Variants in PDE8B observed in about 807,000 individuals in gnomAD.
The protein encoded by PDE8B is phosphodiesterase 8B, also known as high affinity cAMP-specific and IBMX-insensitive 3',5'-cyclic phosphodiesterase 8B.
Under a neutral mutation model 101.3 loss-of-function variants are expected in PDE8B, and 26 were observed. That is an observed-to-expected ratio of 0.26 (90% CI 0.19 to 0.36). PDE8B has a LOEUF of 0.36. Ranked by LOEUF, PDE8B falls within the 10% of genes least tolerant of loss-of-function variation. The pLI is 1.00. For synonymous variants in PDE8B, 424 were observed against 429.3 expected (o/e 0.99, Z 0.15); for missense variants, 810 against 1,163.1 (o/e 0.70, Z 4.42).
the PDE8B span, among the ~76,000 whole-genome samples, chr5:77,090,551 G>A: frequency 1.3e-5 from 2 of 152,208 alleles, no homozygotes; most frequent in African/African-American, 2.4e-5. Context: ...GGGATTACAG[G>A]CGTGAGCCAC....
chr5:77,349,285 G>A, intron 7 of PDE8B, 134 bp from the exon 8 acceptor site: 1 of 1,169,716 alleles, frequency 8.5e-7, no homozygotes, highest in Admixed American at 1.9e-5. Context: ...AACTGCATTA[G>A]AGAATGTTTG....
At chr5:77,179,468 C>T in the PDE8B span, among the ~76,000 whole-genome samples, 12 of 152,170 alleles carry the variant, frequency 7.9e-5, no homozygotes, top group Non-Finnish European at 1.3e-4. Flanking sequence ...ATGGGCCAGG[C>T]ATGGTAATAG....
the PDE8B span, among the ~76,000 whole-genome samples, chr5:77,164,524 C>T: frequency 6.6e-6 from 1 of 152,186 alleles, no homozygotes; most frequent in South Asian, 2.1e-4. Context: ...TCAACTCATT[C>T]AGCATATGTC....
the PDE8B span, among the ~76,000 whole-genome samples, chr5:77,097,726 T>TAG: frequency 5.1e-5 from 3 of 58,900 alleles, no homozygotes; most frequent in African/African-American, 1.2e-4. Context: ...TATATATATA[T>TAG]ATATATACAT....
the PDE8B span, among the ~76,000 whole-genome samples, chr5:77,150,988 C>CTA: frequency 6.6e-6 from 1 of 152,210 alleles, no homozygotes; most frequent in Non-Finnish European, 1.5e-5. Flanking sequence ...GGTAGACATT[C>CTA]TAAATCCATA....
At chr5:77,229,553 TCCAAAAGAAAC>T (rs1157666395) in intron 1 of PDE8B, among the ~76,000 whole-genome samples, 1 of 152,122 alleles carries the variant, frequency 6.6e-6, no homozygotes, top group Non-Finnish European at 1.5e-5. Flanking sequence ...TTCTAACACC[TCCAAAAGAAAC>T]CCTGAATTTA....
the PDE8B span, chr5:77,152,299 A>C: frequency 2.6e-5 from 4 of 152,204 alleles, no homozygotes; most frequent in African/African-American, 7.2e-5. Flanking sequence ...GTATCTAAAA[A>C]TGCTGTGCCT....
At chr5:77,283,165 A>AT (rs1281537463) in intron 1 of PDE8B, among the ~76,000 whole-genome samples, 2 of 152,146 alleles carry the variant, frequency 1.3e-5, no homozygotes, top group Non-Finnish European at 2.9e-5. Context: ...AATAGACTTA[A>AT]TTTTTTTACA....
chr5:77,374,330 CTCT>C (rs1785649946), intron 10 of PDE8B, among the ~76,000 whole-genome samples: 1 of 151,844 alleles, frequency 6.6e-6, no homozygotes, highest in African/African-American at 2.4e-5. Flanking sequence ...TCATATCTGC[CTCT>C]TATTTGGAAT....
chr5:77,289,948 A>G (rs930007049), intron 1 of PDE8B, among the ~76,000 whole-genome samples: 3 of 152,256 alleles, frequency 2.0e-5, no homozygotes, highest in African/African-American at 7.2e-5. Flanking sequence ...TAGATAACAA[A>G]TGTAAGGCAC....
chr5:77,315,246 A>G (rs1773553145), intron 2 of PDE8B, among the ~76,000 whole-genome samples: 1 of 152,166 alleles, frequency 6.6e-6, no homozygotes, highest in African/African-American at 2.4e-5. Context: ...TCAAGAAGAT[A>G]ATTTGTTGTT....
chr5:77,269,058 A>T (rs189370779), intron 1 of PDE8B, among the ~76,000 whole-genome samples: 18 of 152,128 alleles, frequency 1.2e-4, no homozygotes, highest in Non-Finnish European at 2.9e-5. Flanking sequence ...ACTGTCCTTC[A>T]TAGTGGTTGT....
chr5:77,186,791 T>C, the PDE8B span, among the ~76,000 whole-genome samples: 3 of 152,164 alleles, frequency 2.0e-5, no homozygotes, highest in East Asian at 5.8e-4. Flanking sequence ...GGCAACTATG[T>C]GCACCATAGT....
At chr5:77,113,247 A>G in the PDE8B span, 1 of 152,150 alleles carries the variant, frequency 6.6e-6, no homozygotes, top group Non-Finnish European at 1.5e-5. Flanking sequence ...ACCTGGAGGC[A>G]TCATGCTACC....
At chr5:77,246,792 A>C (rs148443529) in intron 1 of PDE8B, 3 of 152,340 alleles carry the variant, frequency 2.0e-5, no homozygotes, top group African/African-American at 7.2e-5. Context: ...CGTTGAGGAA[A>C]GTGACTAAGC....
chr5:77,297,155 G>T (rs1340405059), intron 1 of PDE8B, among the ~76,000 whole-genome samples: 1 of 152,188 alleles, frequency 6.6e-6, no homozygotes, highest in Non-Finnish European at 1.5e-5. Flanking sequence ...CTTTTATCAA[G>T]AGCCCTCTCC....
intron 11 of PDE8B, among the ~76,000 whole-genome samples, chr5:77,403,111 T>C (rs1792654927): frequency 6.6e-6 from 1 of 152,190 alleles, no homozygotes; most frequent in Non-Finnish European, 1.5e-5. Flanking sequence ...GCGCTGAAAA[T>C]GTGTGTTTCT....
At chr5:77,208,537 T>C (rs1386566433), upstream of PDE8B, among the ~76,000 whole-genome samples, 2 of 152,240 alleles carry the variant, frequency 1.3e-5, no homozygotes, top group African/African-American at 4.8e-5. Context: ...GAGCAGATGG[T>C]TGCTATGAGG....
the PDE8B span, among the ~76,000 whole-genome samples, chr5:77,136,927 A>G: frequency 3.3e-5 from 5 of 152,136 alleles, no homozygotes; most frequent in Non-Finnish European, 5.9e-5. Context: ...TATTAAATAG[A>G]TTTTGAACAA....
Sources: allele counts gnomAD v4.1 joint callset (sites outside exome capture counted in the v4.1 genomes callset), GRCh38; gene constraint gnomAD v4.1.1; transcripts MANE v1.5; gene names NCBI Gene and HGNC (gene_info 2026-07-23, HGNC 2026-07-21).